CYP2E1: variants seen among roughly 807,000 people sequenced by gnomAD.
CYP2E1 encodes the protein cytochrome P450 family 2 subfamily E member 1.
Under a neutral mutation model 42.9 loss-of-function variants are expected in CYP2E1, and 31 were observed. That is an observed-to-expected ratio of 0.72 (90% CI 0.54 to 0.98). CYP2E1 has a LOEUF of 0.98. Among genes scored for constraint, CYP2E1 ranks in the 50% least tolerant of loss-of-function variants. CYP2E1 has a pLI of 0.00. For missense variants in CYP2E1, 565 were observed against 633.2 expected (o/e 0.89, Z 1.16); for synonymous variants, 244 against 248.9 (o/e 0.98, Z 0.19).
intron 1 of CYP2E1, chr10:133,528,251 T>C: frequency 2.0e-6 from 1 of 502,576 alleles, no homozygotes; most frequent in Non-Finnish European, 3.6e-6. Flanking sequence ...GTCCGCGGAG[T>C]CCAGGCGGGT....
intron 2 of CYP2E1, among the ~76,000 whole-genome samples, chr10:133,529,719 CG>C (rs1851314527): frequency 6.6e-6 from 1 of 152,254 alleles, no homozygotes; most frequent in Admixed American, 6.5e-5. Flanking sequence ...CTGCGGGGCG[CG>C]GGCTGGTGGC....
intron 8 of CYP2E1, 72 bp from the exon 9 acceptor site, chr10:133,538,707 CT>C (rs762260550): frequency 2.3e-5 from 31 of 1,370,674 alleles, no homozygotes; most frequent in Non-Finnish European, 2.9e-5. Context: ...CCCGCTTCCC[CT>C]AGTCTCACTG....
chr10:133,531,311 G>A (rs982045211), intron 2 of CYP2E1, among the ~76,000 whole-genome samples: 11 of 152,162 alleles, frequency 7.2e-5, no homozygotes, highest in Non-Finnish European at 8.8e-5. Flanking sequence ...TAAATTGACA[G>A]CATGAAGTAG....
At chr10:133,531,058 T>G (rs1387446999) in intron 2 of CYP2E1, among the ~76,000 whole-genome samples, 2 of 152,198 alleles carry the variant, frequency 1.3e-5, no homozygotes, top group Non-Finnish European at 2.9e-5. Flanking sequence ...TTCCCAGCTC[T>G]GATGCTTTGC....
At position 133,537,093 on chromosome 10, in the gene CYP2E1, T is replaced by C. The variant is rs764799317; in HGVS notation, c.998T>C (p.Ile333Thr). The C allele has an allele frequency of 1.2e-6, 2 of 1,613,762 alleles. No homozygotes were observed. Among genetic ancestry groups the C allele is most frequent in the African/African-American group, 2.7e-5 (2 of 75,006 alleles). The change falls in exon 7 of 9, where the codon ATT becomes ACT. Residue 333 changes from isoleucine to threonine, a missense_variant. Physicochemically the swap from Ile to Thr is moderately conservative, Grantham distance 89. Coordinates refer to ENST00000252945, the MANE Select transcript of CYP2E1 (RefSeq NM_000773.4). ...CTCCATGAAGAAATTGACAGGGTGATTGGGCCAAGCCGAATCCCTGCCATC... is the reference window on the plus strand; with the variant it reads ...CTCCATGAAGAAATTGACAGGGTGACTGGGCCAAGCCGAATCCCTGCCATC... ...EKLHEEIDRV[I>T]GPSRIPAIKD...
chr10:133,531,448 G>A, intron 2 of CYP2E1, 137 bp from the exon 3 acceptor site: 1 of 1,047,916 alleles, frequency 9.5e-7, no homozygotes, highest in Non-Finnish European at 1.4e-6. Context: ...ACACCCCTCT[G>A]TCTCTCTGTC....
At chr10:133,534,302 G>T (rs1417081765) in intron 6 of CYP2E1, among the ~76,000 whole-genome samples, 2 of 152,154 alleles carry the variant, frequency 1.3e-5, no homozygotes, top group African/African-American at 4.8e-5. Context: ...CCTTGCTGGG[G>T]CGTCTTCCTC....
At position 133,528,356 on chromosome 10, in the gene CYP2E1, C is replaced by T. The variant is rs1398514296; in HGVS notation, c.178-125C>T. On this transcript the variant is annotated intron_variant, in intron 1 of 8. Coordinates refer to ENST00000252945, the MANE Select transcript of CYP2E1 (RefSeq NM_000773.4). ...CCCACCTCGGGCTGGACAAAGACAGCTTTTCCCCACGTCCCTCTGGGTTCT... is the reference window on the plus strand; with the variant it reads ...CCCACCTCGGGCTGGACAAAGACAGTTTTTCCCCACGTCCCTCTGGGTTCT... The T allele has an allele frequency of 2.5e-6, 3 of 1,178,436 alleles. No homozygotes were observed. The East Asian group carries it at 7.7e-5, about 30-fold the overall frequency. The allele number at this position is 1,178,436 out of a possible 1,614,324, so 73.0% of individuals were successfully genotyped here.
At chr10:133,532,657 G>GA in intron 4 of CYP2E1, 35 bp from the exon 5 acceptor site, 2 of 1,527,932 alleles carry the variant, frequency 1.3e-6, no homozygotes, top group Middle Eastern at 1.8e-4. Context: ...GTTGCATCCA[G>GA]AAAAAAGTAG....
At chr10:133,529,878 G>A (rs138539688) in intron 2 of CYP2E1, among the ~76,000 whole-genome samples, 74 of 152,342 alleles carry the variant, frequency 4.9e-4, no homozygotes, top group Non-Finnish European at 5.1e-4. Flanking sequence ...CTTCTCTGGG[G>A]TTGCCAAAAA....
At chr10:133,531,832 C>T in intron 3 of CYP2E1, 98 bp downstream of exon 3, 2 of 1,283,946 alleles carry the variant, frequency 1.6e-6, no homozygotes, top group East Asian at 2.4e-5. Context: ...ACCACAGGGA[C>T]CTACGGACAA....
chr10:133,539,021 G>A lies in CYP2E1; in HGVS notation c.*57G>A. ...TCAAACAAGTTTTCAAATTGTTTGAGGTCAGGATTTCTCAAACTGATTCCT... is the reference window on the plus strand; with the variant it reads ...TCAAACAAGTTTTCAAATTGTTTGAAGTCAGGATTTCTCAAACTGATTCCT... On this transcript the variant is annotated 3_prime_UTR_variant, in exon 9 of 9. Coordinates refer to ENST00000252945, the MANE Select transcript of CYP2E1 (RefSeq NM_000773.4). 7.0e-7 allele frequency: 1 copy of A among 1,419,438 alleles called. No individual in the cohort carries two copies. The highest frequency in any genetic ancestry group is 9.5e-7 in the Non-Finnish European group (1 of 1,052,022). The allele number at this position is 1,419,438 out of a possible 1,614,324, so 87.9% of individuals were successfully genotyped here.
chr10:133,536,782 TGGGTGGATGGGAGGG>T (rs1851408840), intron 6 of CYP2E1, among the ~76,000 whole-genome samples: 1 of 44,852 alleles, frequency 2.2e-5, no homozygotes, highest in Non-Finnish European at 4.7e-5. Context: ...GATGGGTGGG[TGGGTGGATGGGAGGG>T]TGGATGGATG....
intron 3 of CYP2E1, 102 bp downstream of exon 3, chr10:133,531,836 C>T (rs2070674): frequency 0.034 from 42,327 of 1,252,786 alleles, 1,522 homozygotes; most frequent in East Asian, 0.21. Flanking sequence ...CAGGGACCTA[C>T]GGACAAGGAG....
chr10:133,529,751 A>G (rs1425264513), intron 2 of CYP2E1, among the ~76,000 whole-genome samples: 8 of 152,190 alleles, frequency 5.3e-5, no homozygotes, highest in Admixed American at 5.2e-4. Context: ...CGCCGGCTCC[A>G]GCTCAGGTTC....
chr10:133,528,988 G>T (rs1177648537), intron 2 of CYP2E1, among the ~76,000 whole-genome samples: 1 of 152,170 alleles, frequency 6.6e-6, no homozygotes, highest in Non-Finnish European at 1.5e-5. Context: ...AACCGCCGGG[G>T]TACAGGTGGC....
At chr10:133,529,203 G>A (rs1439710372) in intron 2 of CYP2E1, among the ~76,000 whole-genome samples, 2 of 152,204 alleles carry the variant, frequency 1.3e-5, no homozygotes, top group African/African-American at 4.8e-5. Flanking sequence ...TCTCCTCCAC[G>A]CTTCCTGTCT....
At chr10:133,537,702 C>T in intron 7 of CYP2E1, 49 bp from the exon 8 acceptor site, 1 of 1,551,434 alleles carries the variant, frequency 6.4e-7, no homozygotes, top group Non-Finnish European at 8.8e-7. Context: ...CAGATGAAAG[C>T]CCACATTTTG....
chr10:133,537,201 C>G lies in CYP2E1; in HGVS notation c.1106C>G (p.Pro369Arg), dbSNP rs768448978. 6.2e-7 allele frequency: 1 copy of G among 1,614,064 alleles called. No individual in the cohort carries two copies. The highest frequency in any genetic ancestry group is 8.5e-7 in the Non-Finnish European group (1 of 1,179,980). ...ATCACCCTCGTGCCCTCCAACCTGC[C>G]CCATGAAGCAACCCGAGACACCATT... ...RFITLVPSNL[P>R]HEATRDTIFR... The change falls in exon 7 of 9, where the codon CCC becomes CGC. Residue 369 changes from proline to arginine, a missense_variant. Physicochemically the swap from Pro to Arg is moderately radical, Grantham distance 103. Coordinates refer to ENST00000252945, the MANE Select transcript of CYP2E1 (RefSeq NM_000773.4).
Sources: gnomAD v4.1 joint callset for allele counts (sites outside exome capture counted in the v4.1 genomes callset) on GRCh38, gnomAD v4.1.1 for gene constraint, MANE v1.5 for transcripts, NCBI Gene and HGNC (gene_info 2026-07-23, HGNC 2026-07-21) for gene names.